DNM2: variants seen among roughly 807,000 people sequenced by gnomAD.
DNM2 encodes the protein dynamin 2.
DNM2 carries 15 observed loss-of-function variants against 99.0 expected under a neutral mutation model. That is an observed-to-expected ratio of 0.15 (90% confidence interval 0.10 to 0.23). The LOEUF (loss-of-function observed/expected upper bound fraction) is 0.23, where lower values mean the gene tolerates loss of function less well. DNM2 is among the 10% of genes least tolerant of loss of function. DNM2 has a pLI of 1.00. For synonymous variants in DNM2, 525 were observed against 481.2 expected (o/e 1.09, Z -1.19); for missense variants, 742 against 1,189.4 (o/e 0.62, Z 5.53).
At chr19:10,750,652 C>T (rs951353813) in intron 1 of DNM2, among the ~76,000 whole-genome samples, 1 of 151,956 alleles carries the variant, frequency 6.6e-6, no homozygotes, top group African/African-American at 2.4e-5. Flanking sequence ...TAAATAAGGC[C>T]GGGCGCGGTG....
chr19:10,797,116 CG>C (rs1555710907), intron 9 of DNM2, among the ~76,000 whole-genome samples: 1 of 152,030 alleles, frequency 6.6e-6, no homozygotes, highest in Non-Finnish European at 1.5e-5. Flanking sequence ...TAGAGGACTC[CG>C]CACACCTTGG....
intron 8 of DNM2, among the ~76,000 whole-genome samples, chr19:10,794,894 T>C (rs1366656256): frequency 6.6e-6 from 1 of 152,148 alleles, no homozygotes; most frequent in East Asian, 1.9e-4. Context: ...TTTCTGAAAC[T>C]GGGTTTTAAT....
chr19:10,755,233 G>A (rs1416629457), intron 1 of DNM2: 2 of 152,268 alleles, frequency 1.3e-5, no homozygotes, highest in African/African-American at 4.8e-5. Context: ...GGACAGATTC[G>A]ACCACGAAAA....
At chr19:10,736,088 C>T (rs2069513049) in intron 1 of DNM2, among the ~76,000 whole-genome samples, 2 of 152,002 alleles carry the variant, frequency 1.3e-5, no homozygotes, top group Non-Finnish European at 2.9e-5. Flanking sequence ...CATGGTGAAA[C>T]TCCGTCTCTA....
Position 10,816,244 on chromosome 19 carries a change from G to C in DNM2, c.1672-3736G>C, listed in dbSNP as rs1414732476. 6.6e-6 allele frequency among the ~76,000 whole-genome samples: 1 copy of C among 152,132 alleles called. No homozygotes were observed. Among genetic ancestry groups the C allele is most frequent in the African/African-American group, 2.4e-5 (1 of 41,430 alleles). ...GCCCAGGCCTGATGTCCCCTTGACT[G>C]AGGACATTGGGGGTGAAAGGATCAT... On this transcript the variant is annotated intron_variant, in intron 15 of 20. Coordinates refer to ENST00000389253, the MANE Select transcript of DNM2 (RefSeq NM_001005361.3). This position sits in a 1 kb window ranked among gnomAD's most constrained non-coding sequence, Gnocchi z 4.6.
intron 2 of DNM2, among the ~76,000 whole-genome samples, chr19:10,761,002 T>A (rs2070610988): frequency 6.6e-6 from 1 of 151,760 alleles, no homozygotes; most frequent in African/African-American, 2.4e-5. Flanking sequence ...TATTTATTTA[T>A]TTTTTGAGAC....
chr19:10,762,633 GATGA>G (rs2070671655), intron 2 of DNM2, among the ~76,000 whole-genome samples: 1 of 152,230 alleles, frequency 6.6e-6, no homozygotes, highest in Non-Finnish European at 1.5e-5. Flanking sequence ...ACCTGACCCG[GATGA>G]ACGATGATGG....
rs951511382 is a variant in DNM2, at chr19:10,795,250, C to A, written c.1129-122C>A. On this transcript the variant is annotated intron_variant, in intron 8 of 20. Coordinates refer to ENST00000389253, the MANE Select transcript of DNM2 (RefSeq NM_001005361.3). This position sits in a 1 kb window ranked among gnomAD's most constrained non-coding sequence, Gnocchi z 4.2. ...TTCAATTTTTTAAATAAAATTTTGA[C>A]GAGTTAAATATTCTGCCTTGTGAAT... The A allele has an allele frequency of 1.2e-5, 11 of 914,176 alleles. No homozygotes were observed. The Admixed American group carries it at 1.7e-4, about 14-fold the overall frequency. 56.6% of individuals were successfully genotyped at this position (914,176 alleles called of 1,614,324 possible).
intron 15 of DNM2, among the ~76,000 whole-genome samples, chr19:10,814,225 G>A (rs2072655863): frequency 6.6e-6 from 1 of 152,108 alleles, no homozygotes; most frequent in Non-Finnish European, 1.5e-5. Flanking sequence ...AGCACTTTGG[G>A]AGGCCAAGGC....
At chr19:10,743,809 CAAAAAAAAAAA>C (rs35999203) in intron 1 of DNM2, among the ~76,000 whole-genome samples, 5 of 32,630 alleles carry the variant, frequency 1.5e-4, no homozygotes, top group African/African-American at 4.4e-4. Context: ...GACTCTGTCT[CAAAAAAAAAAA>C]AAAAAAAAAA....
At chr19:10,770,805 A>G (rs2070949419) in intron 2 of DNM2, among the ~76,000 whole-genome samples, 1 of 151,982 alleles carries the variant, frequency 6.6e-6, no homozygotes, top group South Asian at 2.1e-4. Flanking sequence ...GGAAAGACCC[A>G]CCCCCATGAT....
At chr19:10,803,943 C>G (rs901869029) in intron 12 of DNM2, among the ~76,000 whole-genome samples, 6 of 152,086 alleles carry the variant, frequency 3.9e-5, no homozygotes, top group Non-Finnish European at 8.8e-5. Flanking sequence ...AGGGGATAGA[C>G]TATGGGAAAG....
At chr19:10,721,029 C>CTA (rs1805654561) in intron 1 of DNM2, among the ~76,000 whole-genome samples, 1 of 152,120 alleles carries the variant, frequency 6.6e-6, no homozygotes, top group Non-Finnish European at 1.5e-5. Context: ...TCTCTCCCAT[C>CTA]CTTACCTCTC....
intron 12 of DNM2, among the ~76,000 whole-genome samples, 174 bp from the exon 13 acceptor site, chr19:10,805,742 C>A (rs1225559785): frequency 6.6e-6 from 1 of 152,280 alleles, no homozygotes; most frequent in African/African-American, 2.4e-5. Context: ...TTTACTTGTT[C>A]CGTGTGCCCA....
intron 1 of DNM2, among the ~76,000 whole-genome samples, chr19:10,719,157 C>A (rs1018532899): frequency 2.0e-5 from 3 of 151,898 alleles, no homozygotes; most frequent in African/African-American, 7.3e-5. Context: ...GTGAATTCTT[C>A]TGTCTGTCTG....
At chr19:10,745,164 A>C (rs112523038) in intron 1 of DNM2, among the ~76,000 whole-genome samples, 8 of 152,328 alleles carry the variant, frequency 5.3e-5, no homozygotes, top group African/African-American at 1.9e-4. Context: ...GAAGTGGAGG[A>C]CATCATCCCC....
At chr19:10,799,965 C>T (rs556436395) in intron 11 of DNM2, among the ~76,000 whole-genome samples, 4 of 152,020 alleles carry the variant, frequency 2.6e-5, no homozygotes, top group East Asian at 1.9e-4. Flanking sequence ...CTCCTGCAGC[C>T]GCAGCCTCAG....
chr19:10,785,121 C>A (rs1867269416), intron 6 of DNM2, among the ~76,000 whole-genome samples: 1 of 150,480 alleles, frequency 6.6e-6, no homozygotes, highest in African/African-American at 2.4e-5. Flanking sequence ...CCCATCCCGG[C>A]CTTCCCCTCA....
rs1223342362 is a variant in DNM2 at position 10,795,377 on chromosome 19, G to C, written c.1134G>C (p.Glu378Asp). The change falls in exon 9 of 21, where the codon GAG (glutamate) becomes GAC (aspartate). Residue 378 changes from glutamate (E) to aspartate (D), a missense_variant. Glu to Asp is a conservative substitution (Grantham distance 45). Transcript: ENST00000389253. This position sits in a 1 kb window ranked among gnomAD's most constrained non-coding sequence, Gnocchi z 4.2. ...ERFPFELVKM[E>D]FDEKDLRREI... ...CTTGGTTTGTCTCTTCTCAGATGGA[G>C]TTTGACGAGAAGGACTTACGACGGG... 6.2e-7 allele frequency: 1 copy of C among 1,614,152 alleles called. No individual in the cohort carries two copies. Among genetic ancestry groups the C allele is most frequent in the Non-Finnish European group, 8.5e-7 (1 of 1,180,030 alleles).
Sources: gnomAD v4.1 joint callset for allele counts (sites outside exome capture counted in the v4.1 genomes callset) on GRCh38, gnomAD v4.1.1 for gene constraint, Gnocchi (gnomAD v3.1) non-coding constraint, MANE v1.5 for transcripts, NCBI Gene and HGNC (gene_info 2026-07-23, HGNC 2026-07-21) for gene names.